KIAA0825: variants seen among roughly 807,000 people sequenced by gnomAD.
KIAA0825 encodes the protein uncharacterized protein KIAA0825.
Under a neutral mutation model 147.6 loss-of-function variants are expected in KIAA0825, and 119 were observed. The ratio of observed to expected loss-of-function variants is 0.81; its 90% CI spans 0.69 to 0.94. The LOEUF (loss-of-function observed/expected upper bound fraction) is 0.94. Ranked by LOEUF, KIAA0825 falls within the 40% of genes least tolerant of loss-of-function variation. The probability of loss-of-function intolerance (pLI) is 0.00; values close to 1 mark genes in which losing one functional copy is unlikely to be tolerated. For missense variants in KIAA0825, 1,381 were observed against 1,472.7 expected, an observed-to-expected ratio of 0.94 and a Z score of 1.02; for synonymous variants, 470 against 518.1, an observed-to-expected ratio of 0.91 and a Z score of 1.26.
intron 20 of KIAA0825, among the ~76,000 whole-genome samples, chr5:94,159,607 ATATATG>A (rs563739566): frequency 6.6e-6 from 1 of 152,176 alleles, no homozygotes; most frequent in African/African-American, 2.4e-5. Flanking sequence ...GCATATATGT[ATATATG>A]TATATGTATA....
chr5:94,448,377 A>T (rs898739814), intron 13 of KIAA0825, among the ~76,000 whole-genome samples: 1 of 151,982 alleles, frequency 6.6e-6, no homozygotes, highest in Non-Finnish European at 1.5e-5. Context: ...AAGATTATAG[A>T]CAAATTTATG....
At chr5:94,586,544 T>A (rs1317319588) in intron 1 of KIAA0825, among the ~76,000 whole-genome samples, 1 of 152,176 alleles carries the variant, frequency 6.6e-6, no homozygotes, top group African/African-American at 2.4e-5. Flanking sequence ...AAATAGGCAA[T>A]AATTAATAGG....
At chr5:94,428,159 G>A (rs1291966636) in intron 14 of KIAA0825, among the ~76,000 whole-genome samples, 1 of 148,016 alleles carries the variant, frequency 6.8e-6, no homozygotes, top group Non-Finnish European at 1.5e-5. Flanking sequence ...GTGTGTGTGT[G>A]TGTGTGTGTG....
intron 2 of KIAA0825, among the ~76,000 whole-genome samples, chr5:94,543,631 C>T (rs1167068086): frequency 8.5e-5 from 13 of 152,284 alleles, no homozygotes; most frequent in Non-Finnish European, 2.9e-5. Flanking sequence ...ATCATCACCC[C>T]TATTCAGCCT....
intron 20 of KIAA0825, among the ~76,000 whole-genome samples, chr5:94,317,574 A>C (rs1305423417): frequency 2.0e-5 from 3 of 151,888 alleles, no homozygotes; most frequent in Non-Finnish European, 4.4e-5. Context: ...AATATAAGGC[A>C]GCACAGGGCA....
intron 20 of KIAA0825, among the ~76,000 whole-genome samples, chr5:94,290,722 A>G (rs893083202): frequency 6.6e-6 from 1 of 151,854 alleles, no homozygotes; most frequent in Admixed American, 6.5e-5. Context: ...GTCTTCCACA[A>G]TGGTTGAACT....
chr5:94,442,999 T>C (rs1439865503), intron 13 of KIAA0825, among the ~76,000 whole-genome samples: 1 of 152,090 alleles, frequency 6.6e-6, no homozygotes, highest in African/African-American at 2.4e-5. Context: ...CCTTCAGTCA[T>C]GGAATAAAAT....
At chr5:94,546,792 CA>C (rs372542896) in intron 2 of KIAA0825, among the ~76,000 whole-genome samples, 2,572 of 49,716 alleles carry the variant, frequency 0.052, 28 homozygotes, top group South Asian at 0.11. Context: ...GTCCAGGCAC[CA>C]AAAAAAAAAA....
chr5:94,205,259 CTATT>C (rs1235578496), intron 20 of KIAA0825, among the ~76,000 whole-genome samples: 1 of 93,758 alleles, frequency 1.1e-5, no homozygotes, highest in African/African-American at 4.3e-5. Flanking sequence ...ATTTCTGTGA[CTATT>C]TAATCATATA....
At chr5:94,340,434 A>G (rs1254704323) in intron 20 of KIAA0825, among the ~76,000 whole-genome samples, 2 of 152,158 alleles carry the variant, frequency 1.3e-5, no homozygotes, top group African/African-American at 4.8e-5. Flanking sequence ...CCGTACTTTA[A>G]TGGTTACCTA....
chr5:94,558,850 A>G (rs1777047654), intron 2 of KIAA0825, among the ~76,000 whole-genome samples: 1 of 152,226 alleles, frequency 6.6e-6, no homozygotes, highest in Non-Finnish European at 1.5e-5. Context: ...CCGGGAAGAA[A>G]GCAATGTCCT....
chr5:94,317,780 G>A (rs996642624), intron 20 of KIAA0825, among the ~76,000 whole-genome samples: 1 of 151,718 alleles, frequency 6.6e-6, no homozygotes, highest in Non-Finnish European at 1.5e-5. Context: ...TATGTAGATT[G>A]CATTTAAACC....
chr5:94,404,102 C>T (rs1751737566), intron 15 of KIAA0825, among the ~76,000 whole-genome samples: 1 of 152,082 alleles, frequency 6.6e-6, no homozygotes. Context: ...AATGTCAAAG[C>T]TTCAACATTT....
In KIAA0825 at chr5:94,617,337, G is replaced by A. The variant is rs538205677; in HGVS notation, c.-153+1163C>T. Among the ~76,000 whole-genome samples the A allele has an allele frequency of 1.7e-3, 266 of 152,304 alleles. 3 individuals carry two copies. Among genetic ancestry groups the A allele is most frequent in the African/African-American group, 6.0e-3 (251 of 41,564 alleles). On this transcript the variant is annotated intron_variant, in intron 1 of 20. Transcript: ENST00000682413. ...ATTGGGATTAATGGGGCGATTATAA[G>A]TTTGTTGAATTATTAACCAACAAGG... is the stretch of plus-strand genomic sequence containing the variant.
At chr5:94,486,286 A>T (rs1763049752) in intron 5 of KIAA0825, among the ~76,000 whole-genome samples, 2 of 152,080 alleles carry the variant, frequency 1.3e-5, no homozygotes, top group Admixed American at 1.3e-4. Flanking sequence ...CAAAAACTGT[A>T]TAGGGTCTGA....
At chr5:94,200,194 G>A (rs776770017) in intron 20 of KIAA0825, among the ~76,000 whole-genome samples, 16 of 152,146 alleles carry the variant, frequency 1.1e-4, no homozygotes, top group Non-Finnish European at 1.9e-4. Context: ...CAACTCAAAT[G>A]TCTGTGTGGG....
chr5:94,317,357 C>G (rs1779751455), intron 20 of KIAA0825, among the ~76,000 whole-genome samples: 1 of 151,820 alleles, frequency 6.6e-6, no homozygotes, highest in African/African-American at 2.4e-5. Context: ...AAATACAAAG[C>G]ATGAAGATGC....
chr5:94,403,524 T>G (rs13357007), intron 16 of KIAA0825, 45 bp downstream of exon 16: 1 of 1,407,238 alleles, frequency 7.1e-7, no homozygotes, highest in South Asian at 1.3e-5. Context: ...CCTAGAAAAT[T>G]GCTTCTTCAG....
At chr5:94,170,843 G>A (rs1466267004) in intron 20 of KIAA0825, among the ~76,000 whole-genome samples, 4 of 152,144 alleles carry the variant, frequency 2.6e-5, no homozygotes, top group African/African-American at 9.7e-5. Context: ...TGGGAGAAGA[G>A]CACTCTTGAA....
Sources: allele counts gnomAD v4.1 joint callset (sites outside exome capture counted in the v4.1 genomes callset), GRCh38; gene constraint gnomAD v4.1.1; transcripts MANE v1.5; gene names NCBI Gene and HGNC (gene_info 2026-07-23, HGNC 2026-07-21).